CADPS: variants seen among roughly 807,000 people sequenced by gnomAD.
CADPS encodes calcium dependent secretion activator.
CADPS carries 57 observed loss-of-function variants against 167.3 expected under a neutral mutation model. That is an observed-to-expected ratio of 0.34 (90% CI 0.28 to 0.42). The LOEUF (loss-of-function observed/expected upper bound fraction) is 0.42. CADPS is among the 20% of genes least tolerant of loss of function. The pLI is 1.00. For missense variants in CADPS, 1,414 were observed against 1,738.1 expected (o/e 0.81, Z 3.32); for synonymous variants, 676 against 635.3 (o/e 1.06, Z -0.96).
rs146296552 is a variant in CADPS, at chr3:62,496,759, G to A, written c.2706+2403C>T. On this transcript the variant is annotated intron_variant, in intron 18 of 29. Transcript: ENST00000383710. Reference sequence around the variant, plus strand: ...GAGCCTAAACTCCTGGACACCCTGCGTTCTATTGCTTGAAGGACAGGCTGT... The same window carrying A: ...GAGCCTAAACTCCTGGACACCCTGCATTCTATTGCTTGAAGGACAGGCTGT... 9.1e-4 allele frequency among the ~76,000 whole-genome samples: 139 copies of A among 152,272 alleles called. 1 individual carries two copies. The East Asian group carries it at 0.018, about 19-fold the overall frequency.
chr3:62,722,234 G>A (rs1338223908), intron 3 of CADPS, among the ~76,000 whole-genome samples: 1 of 152,182 alleles, frequency 6.6e-6, no homozygotes, highest in African/African-American at 2.4e-5. Context: ...TTAGGGAGAG[G>A]GGCTTCTTCC....
intron 1 of CADPS, among the ~76,000 whole-genome samples, chr3:62,819,704 G>A (rs2094808840): frequency 6.6e-6 from 1 of 152,074 alleles, no homozygotes; most frequent in South Asian, 2.1e-4. Context: ...CCATCCCTAC[G>A]TAACCAATTC....
intron 1 of CADPS, among the ~76,000 whole-genome samples, chr3:62,845,831 C>CT (rs2077334470): frequency 6.6e-6 from 1 of 152,152 alleles, no homozygotes; most frequent in Non-Finnish European, 1.5e-5. Flanking sequence ...GCATGCTTCT[C>CT]TCCCTGTATT....
chr3:62,539,089 CCTTT>C, intron 11 of CADPS, among the ~76,000 whole-genome samples: 1 of 152,170 alleles, frequency 6.6e-6, no homozygotes, highest in East Asian at 1.9e-4. Context: ...TTCCCTTCTT[CCTTT>C]CTTTCTTCTT....
intron 7 of CADPS, among the ~76,000 whole-genome samples, chr3:62,590,085 AGGC>A (rs1412471786): frequency 6.6e-6 from 1 of 151,198 alleles, no homozygotes; most frequent in Non-Finnish European, 1.5e-5. Flanking sequence ...GCTACTTGGG[AGGC>A]TGAGGCATGA....
chr3:62,613,990 G>A (rs140240873), intron 6 of CADPS, among the ~76,000 whole-genome samples: 40 of 152,186 alleles, frequency 2.6e-4, no homozygotes, highest in African/African-American at 6.0e-4. Flanking sequence ...CCCTGAGAGA[G>A]TGCTCCCACC....
chr3:62,566,325 C>G (rs972230173), intron 9 of CADPS, among the ~76,000 whole-genome samples: 1 of 152,154 alleles, frequency 6.6e-6, no homozygotes, highest in African/African-American at 2.4e-5. Context: ...GGTTTGGTGG[C>G]TAAAGAGAAA....
At chr3:62,490,306 AAAAGAAAGAAAG>A (rs369297471) in intron 21 of CADPS, among the ~76,000 whole-genome samples, 13 of 151,966 alleles carry the variant, frequency 8.6e-5, no homozygotes, top group African/African-American at 2.7e-4. Context: ...TTTCCTTAAA[AAAAGAAAGAAAG>A]AAAGAAAGAA....
At position 62,596,170 on chromosome 3, in the gene CADPS, G is replaced by T. The variant is rs907002774; in HGVS notation, c.1326-3422C>A. On this transcript the variant is annotated intron_variant, in intron 6 of 29. Coordinates refer to ENST00000383710, the MANE Select transcript of CADPS (RefSeq NM_003716.4). Reference sequence around the variant, plus strand: ...ATCCTATTAGTTTTGTCCCTCTGGAGAACCCTAATACAATGGGGTACAGAG... The same window carrying T: ...ATCCTATTAGTTTTGTCCCTCTGGATAACCCTAATACAATGGGGTACAGAG... Among the ~76,000 whole-genome samples, 5 of 146,994 alleles carry T rather than the reference G, an allele frequency of 3.4e-5. 1 individual carries two copies. The highest frequency in any genetic ancestry group is 1.3e-4 in the African/African-American group (5 of 39,316).
intron 17 of CADPS, among the ~76,000 whole-genome samples, chr3:62,507,925 A>C (rs897891455): frequency 2.0e-5 from 3 of 152,258 alleles, no homozygotes; most frequent in African/African-American, 7.2e-5. Context: ...ATGTATTTTA[A>C]TCTTTGCAAT....
At chr3:62,617,975 T>C (rs558356348) in intron 6 of CADPS, among the ~76,000 whole-genome samples, 1 of 152,242 alleles carries the variant, frequency 6.6e-6, no homozygotes, top group African/African-American at 2.4e-5. Context: ...TACACATGGT[T>C]TGGGTGAAGG....
intron 3 of CADPS, among the ~76,000 whole-genome samples, chr3:62,736,952 C>T (rs866876301): frequency 6.6e-6 from 1 of 151,342 alleles, no homozygotes; most frequent in Middle Eastern, 3.4e-3. Flanking sequence ...GCGTGGCCAA[C>T]ATGATGAAAC....
intron 3 of CADPS, among the ~76,000 whole-genome samples, chr3:62,673,036 T>C (rs935276413): frequency 1.1e-4 from 17 of 152,330 alleles, no homozygotes; most frequent in Non-Finnish European, 2.1e-4. Flanking sequence ...CCTAACATCC[T>C]GAACCTCCTC....
chr3:62,492,166 T>C (rs938481026), intron 20 of CADPS, 124 bp downstream of exon 20: 2 of 797,784 alleles, frequency 2.5e-6, no homozygotes, highest in African/African-American at 3.4e-5. Context: ...GGGGGTGGGG[T>C]TAATCATAAT....
At chr3:62,781,382 A>C (rs2152656667) in intron 1 of CADPS, among the ~76,000 whole-genome samples, 1 of 152,310 alleles carries the variant, frequency 6.6e-6, no homozygotes, top group South Asian at 2.1e-4. Flanking sequence ...GAAATACAAA[A>C]GTCACTCCTC....
At chr3:62,737,479 A>C (rs2079232644) in intron 3 of CADPS, among the ~76,000 whole-genome samples, 3 of 134,790 alleles carry the variant, frequency 2.2e-5, no homozygotes, top group African/African-American at 8.8e-5. Flanking sequence ...TACAGCAAAA[A>C]AAAAAAGCAA....
chr3:62,873,610 T>C (rs548505954), intron 1 of CADPS, among the ~76,000 whole-genome samples: 2,009 of 133,948 alleles, frequency 0.015, 41 homozygotes, highest in African/African-American at 0.055. Context: ...CTGATAGAAA[T>C]AGGCGCCTTT....
intron 6 of CADPS, among the ~76,000 whole-genome samples, chr3:62,609,132 C>T (rs1578741102): frequency 6.6e-6 from 1 of 152,196 alleles, no homozygotes; most frequent in South Asian, 2.1e-4. Flanking sequence ...CTTTCTTTAA[C>T]CCCTGGGGTA....
intron 12 of CADPS, among the ~76,000 whole-genome samples, chr3:62,535,512 C>T (rs1305549465): frequency 6.6e-6 from 1 of 151,678 alleles, no homozygotes; most frequent in African/African-American, 2.4e-5. Flanking sequence ...TATCTTAACC[C>T]TACTTATTAT....
Sources: gnomAD v4.1 joint callset for allele counts (sites outside exome capture counted in the v4.1 genomes callset) on GRCh38, gnomAD v4.1.1 for gene constraint, MANE v1.5 for transcripts, NCBI Gene and HGNC (gene_info 2026-07-23, HGNC 2026-07-21) for gene names.